Variants in COX7B2 observed in about 807,000 individuals in gnomAD.
COX7B2 encodes cytochrome c oxidase subunit 7B2.
For missense variants in COX7B2, 109 were observed against 95.9 expected, an observed-to-expected ratio of 1.14 and a Z score of -0.57; for synonymous variants, 37 against 32.1, an observed-to-expected ratio of 1.15 and a Z score of -0.51.
chr4:46,739,946 C>T (rs1363000700), intron 2 of COX7B2, among the ~76,000 whole-genome samples: 5 of 152,016 alleles, frequency 3.3e-5, no homozygotes, highest in Non-Finnish European at 1.5e-5. Flanking sequence ...TTAATACTCA[C>T]AAACTTTGCT....
At chr4:46,823,778 A>G (rs1235646264) in intron 2 of COX7B2, among the ~76,000 whole-genome samples, 1 of 151,930 alleles carries the variant, frequency 6.6e-6, no homozygotes, top group Non-Finnish European at 1.5e-5. Context: ...ATGAAACTAA[A>G]GCAGAAAACA....
At chr4:46,863,361 G>A (rs949393876) in intron 1 of COX7B2, among the ~76,000 whole-genome samples, 5 of 152,108 alleles carry the variant, frequency 3.3e-5, no homozygotes, top group African/African-American at 1.2e-4. Flanking sequence ...AGGACAAGTC[G>A]GAAAGTACAA....
At chr4:46,743,497 T>C (rs1310223691) in intron 2 of COX7B2, among the ~76,000 whole-genome samples, 2 of 152,224 alleles carry the variant, frequency 1.3e-5, no homozygotes, top group Non-Finnish European at 2.9e-5. Flanking sequence ...TTAGCTTTAA[T>C]AGTTTGACAG....
intron 1 of COX7B2, among the ~76,000 whole-genome samples, chr4:46,879,220 C>CTCAAGTCAAGGTCACT (rs1326320492): frequency 6.6e-6 from 1 of 151,994 alleles, no homozygotes; most frequent in East Asian, 1.9e-4. Context: ...CCTTGAACTC[C>CTCAAGTCAAGGTCACT]TGGGCTCAAG....
At chr4:46,904,178 C>A (rs1469893888) in intron 1 of COX7B2, among the ~76,000 whole-genome samples, 1 of 151,936 alleles carries the variant, frequency 6.6e-6, no homozygotes, top group Non-Finnish European at 1.5e-5. Flanking sequence ...AAAGACATTT[C>A]TAAATGACTA....
At chr4:46,860,808 C>T (rs1444670062) in intron 1 of COX7B2, among the ~76,000 whole-genome samples, 1 of 152,162 alleles carries the variant, frequency 6.6e-6, no homozygotes, top group Non-Finnish European at 1.5e-5. Context: ...TTGTGTAAGG[C>T]AGGATACTCG....
chr4:46,902,872 G>T (rs1720154233), intron 1 of COX7B2, among the ~76,000 whole-genome samples: 1 of 152,032 alleles, frequency 6.6e-6, no homozygotes, highest in Non-Finnish European at 1.5e-5. Flanking sequence ...GGGAGACCCT[G>T]TCTCAAAATA....
chr4:46,771,851 G>A (rs1716897382), intron 2 of COX7B2, among the ~76,000 whole-genome samples: 1 of 152,070 alleles, frequency 6.6e-6, no homozygotes, highest in South Asian at 2.1e-4. Context: ...CTTACGGGTT[G>A]AACATTCCAA....
intron 1 of COX7B2, among the ~76,000 whole-genome samples, chr4:46,853,177 TA>T (rs1243941883): frequency 6.6e-6 from 1 of 152,166 alleles, no homozygotes; most frequent in Non-Finnish European, 1.5e-5. Flanking sequence ...AATGGTGCTG[TA>T]TTTGCTAGCT....
intron 2 of COX7B2, among the ~76,000 whole-genome samples, chr4:46,769,930 A>G (rs1009840614): frequency 1.3e-5 from 2 of 152,174 alleles, no homozygotes; most frequent in East Asian, 1.9e-4. Flanking sequence ...CTTTCCTTTA[A>G]GATGAGGAAC....
intron 1 of COX7B2, 48 bp from the exon 2 acceptor site, chr4:46,845,062 A>G (rs1166928688): frequency 6.6e-6 from 1 of 152,070 alleles, no homozygotes; most frequent in Non-Finnish European, 1.5e-5. Context: ...AAAGACAATG[A>G]AAAAGCCAGA....
At chr4:46,898,270 TA>T (rs1430240392) in intron 1 of COX7B2, among the ~76,000 whole-genome samples, 16 of 152,228 alleles carry the variant, frequency 1.1e-4, no homozygotes, top group Admixed American at 6.5e-5. Context: ...ATTCCATTCA[TA>T]ACTTAGGTCT....
Position 46,807,843 on chromosome 4 carries a change from G to T in COX7B2, c.-50+37117C>A, listed in dbSNP as rs536708777. On this transcript the variant is annotated intron_variant, in intron 2 of 2. Transcript: ENST00000355591. The stretch of plus-strand genomic sequence containing the variant: ...AAATTAGTTGATAGTATATATTTAG[G>T]TTTATTTCTGGGGTCTCTATTCTGT... 5.0e-4 allele frequency among the ~76,000 whole-genome samples: 76 copies of T among 151,684 alleles called. No homozygotes were observed. The South Asian group carries it at 0.015, about 29-fold the overall frequency.
At chr4:46,873,796 A>G (rs1488468393) in intron 1 of COX7B2, among the ~76,000 whole-genome samples, 1 of 152,022 alleles carries the variant, frequency 6.6e-6, no homozygotes, top group Non-Finnish European at 1.5e-5. Context: ...CATTAGGTAT[A>G]TCTCCTAATG....
At chr4:46,751,964 C>T (rs980163105) in intron 2 of COX7B2, among the ~76,000 whole-genome samples, 6 of 151,936 alleles carry the variant, frequency 3.9e-5, no homozygotes, top group African/African-American at 9.7e-5. Context: ...AAAAGTAATT[C>T]GTAGCTTGAT....
At chr4:46,797,093 A>G (rs1310156455) in intron 2 of COX7B2, among the ~76,000 whole-genome samples, 1 of 11,412 alleles carries the variant, frequency 8.8e-5, no homozygotes, top group African/African-American at 5.2e-4. Flanking sequence ...AGAGTATAAT[A>G]AAAAAAAAAA....
intron 2 of COX7B2, among the ~76,000 whole-genome samples, chr4:46,758,843 A>G (rs1369131561): frequency 6.6e-6 from 1 of 152,142 alleles, no homozygotes; most frequent in Non-Finnish European, 1.5e-5. Flanking sequence ...TAGAAAATTT[A>G]TCTTCTTAAA....
intron 2 of COX7B2, among the ~76,000 whole-genome samples, chr4:46,748,471 C>A (rs1049162764): frequency 2.0e-5 from 3 of 152,132 alleles, no homozygotes; most frequent in Non-Finnish European, 4.4e-5. Flanking sequence ...GCAGAGGGGG[C>A]TGCCCACAGG....
rs148667944 is a variant in COX7B2, at chr4:46,768,184, G to A, written c.-49-32943C>T. The stretch of plus-strand genomic sequence containing the variant: ...CTGGGTCCTTGTCTGGTACCCAAGA[G>A]GAATGAGGTCACATGGACTTGAAGG... On this transcript the variant is annotated intron_variant, in intron 2 of 2. Coordinates refer to ENST00000355591, the MANE Select transcript of COX7B2 (RefSeq NM_130902.3). Among the ~76,000 whole-genome samples the A allele has an allele frequency of 7.6e-3, 1,151 of 152,342 alleles. 11 individuals carry two copies. Among genetic ancestry groups the A allele is most frequent in the South Asian group, 0.012 (56 of 4,830 alleles).
Sources: gnomAD v4.1 joint callset for allele counts (sites outside exome capture counted in the v4.1 genomes callset) on GRCh38, gnomAD v4.1.1 for gene constraint, MANE v1.5 for transcripts, NCBI Gene and HGNC (gene_info 2026-07-23, HGNC 2026-07-21) for gene names.